Variants in CPQ observed in about 807,000 individuals in gnomAD.
CPQ encodes the protein Ser-Met dipeptidase.
CPQ carries 37 observed loss-of-function variants against 45.7 expected under a neutral mutation model. The ratio of observed to expected loss-of-function variants is 0.81; its 90% CI spans 0.62 to 1.07. The LOEUF (loss-of-function observed/expected upper bound fraction) is 1.07. Among genes scored for constraint, CPQ ranks in the 50% least tolerant of loss-of-function variants. The probability of loss-of-function intolerance (pLI) is 0.00; values close to 1 mark genes in which losing one functional copy is unlikely to be tolerated. For missense variants in CPQ, 537 were observed against 572.9 expected, an observed-to-expected ratio of 0.94 and a Z score of 0.64; for synonymous variants, 186 against 205.8, an observed-to-expected ratio of 0.90 and a Z score of 0.82.
At chr8:97,030,375 T>TG (rs1485857446) in intron 6 of CPQ, among the ~76,000 whole-genome samples, 42 of 152,246 alleles carry the variant, frequency 2.8e-4, no homozygotes, top group Non-Finnish European at 2.2e-4. Context: ...TTGACCTTTT[T>TG]TTTTTTTCAA....
intron 1 of CPQ, among the ~76,000 whole-genome samples, chr8:96,667,738 G>A (rs550941593): frequency 2.6e-5 from 4 of 152,138 alleles, no homozygotes; most frequent in South Asian, 2.1e-4. Context: ...TTCCCAACCC[G>A]AAATCCCCTT....
chr8:96,885,518 T>C (rs1374483375), intron 4 of CPQ, among the ~76,000 whole-genome samples: 1 of 152,166 alleles, frequency 6.6e-6, no homozygotes, highest in Non-Finnish European at 1.5e-5. Context: ...CAGAGAACCT[T>C]AATAAAAGTA....
intron 1 of CPQ, among the ~76,000 whole-genome samples, chr8:96,686,365 A>C (rs919002570): frequency 1.3e-5 from 2 of 152,096 alleles, no homozygotes; most frequent in African/African-American, 2.4e-5. Flanking sequence ...AAGAGAGGAA[A>C]CCCTTTTTTC....
intron 4 of CPQ, among the ~76,000 whole-genome samples, chr8:96,960,318 G>T (rs1343820518): frequency 2.6e-5 from 4 of 152,124 alleles, no homozygotes; most frequent in Non-Finnish European, 5.9e-5. Context: ...TCAAGATTGT[G>T]ATAGCTTTGT....
chr8:96,927,461 T>C (rs897938151), intron 4 of CPQ, among the ~76,000 whole-genome samples: 5 of 152,122 alleles, frequency 3.3e-5, no homozygotes, highest in African/African-American at 1.2e-4. Flanking sequence ...CTGGACTTCA[T>C]ACCTTTCCAA....
At chr8:96,792,000 G>T (rs1810852246) in intron 2 of CPQ, among the ~76,000 whole-genome samples, 1 of 152,202 alleles carries the variant, frequency 6.6e-6, no homozygotes, top group African/African-American at 2.4e-5. Context: ...ATGTGATGGA[G>T]TAGATTCTTT....
intron 3 of CPQ, among the ~76,000 whole-genome samples, chr8:96,843,057 C>T (rs1254870628): frequency 6.6e-6 from 1 of 152,078 alleles, no homozygotes; most frequent in Non-Finnish European, 1.5e-5. Context: ...AGGCACCCGC[C>T]ACCACGTCCA....
chr8:97,027,980 G>A (rs924413494), intron 5 of CPQ, among the ~76,000 whole-genome samples: 3 of 152,220 alleles, frequency 2.0e-5, no homozygotes, highest in Non-Finnish European at 4.4e-5. Context: ...GGCCACTGCA[G>A]CAATCCAGAC....
intron 5 of CPQ, among the ~76,000 whole-genome samples, chr8:97,016,380 T>C (rs1052178163): frequency 6.6e-6 from 1 of 152,246 alleles, no homozygotes; most frequent in African/African-American, 2.4e-5. Flanking sequence ...TGGCATCTTT[T>C]ACCAACTTTC....
At chr8:97,021,566 T>C (rs4259389) in intron 5 of CPQ, among the ~76,000 whole-genome samples, 104,360 of 151,990 alleles carry the variant, frequency 0.69, 35,919 homozygotes, top group African/African-American at 0.75. Flanking sequence ...ATACCAATAG[T>C]GACCAAACTG....
chr8:96,770,709 TATATTATATATATATAA>T (rs1810531487), intron 1 of CPQ, among the ~76,000 whole-genome samples: 1 of 147,598 alleles, frequency 6.8e-6, no homozygotes, highest in South Asian at 2.1e-4. Flanking sequence ...TTTATATATA[TATATTATATATATATAA>T]AATATATAAT....
chr8:97,059,163 C>T (rs1810504541), intron 6 of CPQ, among the ~76,000 whole-genome samples: 1 of 152,052 alleles, frequency 6.6e-6, no homozygotes, highest in Non-Finnish European at 1.5e-5. Context: ...CATTGGACTG[C>T]CTGAAAACAT....
chr8:97,105,241 T>C (rs999749107), intron 7 of CPQ, among the ~76,000 whole-genome samples: 1 of 152,196 alleles, frequency 6.6e-6, no homozygotes, highest in Non-Finnish European at 1.5e-5. Context: ...ACTCAGCCCT[T>C]GACAACCAAC....
intron 7 of CPQ, among the ~76,000 whole-genome samples, chr8:97,130,179 A>G (rs936461809): frequency 1.3e-5 from 2 of 152,232 alleles, no homozygotes; most frequent in Admixed American, 1.3e-4. Flanking sequence ...AGTAAAGGAC[A>G]GCACGCTTTC....
At chr8:96,958,582 A>G (rs1308137328) in intron 4 of CPQ, among the ~76,000 whole-genome samples, 1 of 152,148 alleles carries the variant, frequency 6.6e-6, no homozygotes, top group South Asian at 2.1e-4. Context: ...TGTTTAATCA[A>G]TTCCAGCCAT....
intron 7 of CPQ, among the ~76,000 whole-genome samples, chr8:97,141,371 T>C (rs770267753): frequency 7.9e-5 from 12 of 152,006 alleles, no homozygotes; most frequent in Non-Finnish European, 1.6e-4. Context: ...GCAAAATGCA[T>C]GAACAAGAAC....
chr8:96,749,392 A>G (rs1810230659), intron 1 of CPQ, among the ~76,000 whole-genome samples: 1 of 152,188 alleles, frequency 6.6e-6, no homozygotes, highest in South Asian at 2.1e-4. Context: ...AAAGCTTGGA[A>G]CTACCTTTTT....
intron 4 of CPQ, among the ~76,000 whole-genome samples, chr8:96,913,530 T>C (rs762795107): frequency 6.6e-6 from 1 of 152,196 alleles, no homozygotes; most frequent in Non-Finnish European, 1.5e-5. Flanking sequence ...CCTCTATCTT[T>C]TCAGTGTTTT....
At chr8:97,116,556 GGCTGCTTA>G (rs879363599) in intron 7 of CPQ, among the ~76,000 whole-genome samples, 2 of 152,114 alleles carry the variant, frequency 1.3e-5, no homozygotes, top group African/African-American at 2.4e-5. Flanking sequence ...TGGTTCTTAA[GGCTGCTTA>G]GTATGTTAGC....
Sources: gnomAD v4.1 joint callset for allele counts (sites outside exome capture counted in the v4.1 genomes callset) on GRCh38, gnomAD v4.1.1 for gene constraint, MANE v1.5 for transcripts, NCBI Gene and HGNC (gene_info 2026-07-23, HGNC 2026-07-21) for gene names.